Variants in WDR41 observed in about 807,000 individuals in gnomAD.
WDR41 encodes the protein WD repeat domain 41.
A neutral mutation model predicts 69.3 loss-of-function variants in WDR41; 63 were observed. The observed-to-expected ratio is 0.91, with a 90% confidence interval of 0.74 to 1.12. The LOEUF is 1.12. Ranked by LOEUF, WDR41 falls within the 50% of genes most tolerant of loss-of-function variation. The pLI, the probability that WDR41 is intolerant of heterozygous loss-of-function variation, is 0.00. For synonymous variants in WDR41, 185 were observed against 192.1 expected, an observed-to-expected ratio of 0.96 and a Z score of 0.31; for missense variants, 543 against 534.5, an observed-to-expected ratio of 1.02 and a Z score of -0.16.
intron 2 of WDR41, among the ~76,000 whole-genome samples, chr5:77,485,061 C>T (rs1801450591): frequency 6.6e-6 from 1 of 152,160 alleles, no homozygotes; most frequent in South Asian, 2.1e-4. Flanking sequence ...TCCAGCGGTC[C>T]CCATTGGGCT....
chr5:77,543,412 A>G (rs1352020750), intron 1 of WDR41, among the ~76,000 whole-genome samples: 1 of 151,478 alleles, frequency 6.6e-6, no homozygotes, highest in Non-Finnish European at 1.5e-5. Context: ...AAAACGATGC[A>G]AGTGAAGGGA....
intron 4 of WDR41, among the ~76,000 whole-genome samples, chr5:77,460,601 A>AT (rs1389825941): frequency 4.6e-5 from 7 of 151,904 alleles, no homozygotes; most frequent in Admixed American, 2.0e-4. Context: ...AGTGTTTCTG[A>AT]TTTTTTTTGG....
chr5:77,588,447 A>AT (rs893284944), intron 1 of WDR41, among the ~76,000 whole-genome samples: 10 of 152,254 alleles, frequency 6.6e-5, no homozygotes, highest in Admixed American at 4.6e-4. Context: ...TATAGAAGTG[A>AT]TTTTTTGTGT....
At chr5:77,435,878 G>C (rs1798919722) in intron 12 of WDR41, among the ~76,000 whole-genome samples, 1 of 152,204 alleles carries the variant, frequency 6.6e-6, no homozygotes, top group Non-Finnish European at 1.5e-5. Flanking sequence ...TCATGAATTT[G>C]ATAAAGGCCC....
At chr5:77,613,133 T>G (rs1458125907) in intron 1 of WDR41, among the ~76,000 whole-genome samples, 3 of 151,476 alleles carry the variant, frequency 2.0e-5, no homozygotes, top group East Asian at 1.9e-4. Context: ...CACTGCTCAA[T>G]GAAATAAAAG....
At position 77,511,450 on chromosome 5, in the gene WDR41, T is replaced by C. The variant is rs1173605829; in HGVS notation, c.43-21878A>G. 2.0e-5 allele frequency among the ~76,000 whole-genome samples: 3 copies of C among 152,230 alleles called. No individual in the cohort carries two copies. In the East Asian group the frequency reaches 5.8e-4, roughly 29 times the overall value. Reference sequence around the variant, plus strand: ...TAATTATAGTTTTGTAATGAGTGCATTTGTGATGACAGAAATCCACCATAA... The same window carrying C: ...TAATTATAGTTTTGTAATGAGTGCACTTGTGATGACAGAAATCCACCATAA... On this transcript the variant is annotated intron_variant, in intron 1 of 5. Transcript: ENST00000509971.
intron 2 of WDR41, among the ~76,000 whole-genome samples, chr5:77,474,804 G>A (rs183199285): frequency 6.6e-6 from 1 of 152,270 alleles, no homozygotes; most frequent in African/African-American, 2.4e-5. Context: ...ATTACAGTAG[G>A]AGGAGGAGCC....
At chr5:77,476,461 T>C (rs888255749) in intron 2 of WDR41, among the ~76,000 whole-genome samples, 1 of 152,130 alleles carries the variant, frequency 6.6e-6, no homozygotes, top group Non-Finnish European at 1.5e-5. Context: ...CCCATCAGAC[T>C]CACAGCGGAT....
chr5:77,607,691 AT>A, intron 1 of WDR41, among the ~76,000 whole-genome samples: 1 of 152,340 alleles, frequency 6.6e-6, no homozygotes, highest in Non-Finnish European at 1.5e-5. Flanking sequence ...TTCCCTATGG[AT>A]TTTTTAAATG....
At chr5:77,600,968 GCCA>G in intron 1 of WDR41, among the ~76,000 whole-genome samples, 1 of 112,536 alleles carries the variant, frequency 8.9e-6, no homozygotes, top group African/African-American at 3.2e-5. Context: ...TGTGTGTAAG[GCCA>G]TAAACAGTGT....
At chr5:77,480,921 G>A (rs535536979) in intron 2 of WDR41, among the ~76,000 whole-genome samples, 1 of 151,900 alleles carries the variant, frequency 6.6e-6, no homozygotes. Flanking sequence ...AAGTTTCCAT[G>A]GAGGACTCCC....
chr5:77,460,346 A>G (rs1800000056), intron 4 of WDR41, among the ~76,000 whole-genome samples: 1 of 152,144 alleles, frequency 6.6e-6, no homozygotes, highest in African/African-American at 2.4e-5. Flanking sequence ...ACACACTAAA[A>G]CTGCTAGCAT....
intron 1 of WDR41, among the ~76,000 whole-genome samples, chr5:77,603,477 T>G (rs1212744211): frequency 3.3e-5 from 5 of 152,204 alleles, no homozygotes; most frequent in Non-Finnish European, 7.3e-5. Context: ...GACATTAGTT[T>G]CCTCTCAGAT....
At position 77,536,577 on chromosome 5, in the gene WDR41, T is replaced by G. The variant is rs905962052; in HGVS notation, c.43-47005A>C. On this transcript the variant is annotated intron_variant, in intron 1 of 5. Coordinates refer to the WDR41 transcript ENST00000509971. ...CAGTCATGCACCATATTAACAACAT[T>G]TCAGTCAATGACAAACCACATATAT... 6.6e-5 allele frequency among the ~76,000 whole-genome samples: 10 copies of G among 152,254 alleles called. No homozygotes were observed. In the South Asian group the frequency reaches 1.2e-3, roughly 19 times the overall value.
intron 1 of WDR41, among the ~76,000 whole-genome samples, chr5:77,570,782 G>A (rs765325758): frequency 6.6e-6 from 1 of 151,654 alleles, no homozygotes; most frequent in Non-Finnish European, 1.5e-5. Context: ...AAAATCATTT[G>A]TTAAAAACTT....
At chr5:77,525,721 A>G (rs1802436024) in intron 1 of WDR41, among the ~76,000 whole-genome samples, 1 of 152,186 alleles carries the variant, frequency 6.6e-6, no homozygotes, top group Non-Finnish European at 1.5e-5. Context: ...CCAAGAAACA[A>G]AAGATTCCAA....
intron 1 of WDR41, among the ~76,000 whole-genome samples, chr5:77,554,669 CTGT>C: frequency 6.6e-6 from 1 of 150,798 alleles, no homozygotes; most frequent in South Asian, 2.1e-4. Flanking sequence ...AGTATAATTT[CTGT>C]TGTTTATGAG....
At chr5:77,545,874 CT>C in intron 1 of WDR41, 1 of 571,168 alleles carries the variant, frequency 1.8e-6, no homozygotes, top group Non-Finnish European at 3.0e-6. Context: ...TGTCCCTGTG[CT>C]ACTGGGGGAC....
At chr5:77,613,246 T>A (rs1466422867) in intron 1 of WDR41, among the ~76,000 whole-genome samples, 4 of 152,140 alleles carry the variant, frequency 2.6e-5, no homozygotes, top group Non-Finnish European at 5.9e-5. Flanking sequence ...TTCAATGCCA[T>A]TCCCATCAAG....
Sources: allele counts gnomAD v4.1 joint callset (sites outside exome capture counted in the v4.1 genomes callset), GRCh38; gene constraint gnomAD v4.1.1; transcripts MANE v1.5; gene names NCBI Gene and HGNC (gene_info 2026-07-23, HGNC 2026-07-21).